The following RNF103 variants were observed in gnomAD, a reference collection of about 807,000 sequenced individuals.
The protein encoded by RNF103 is ring finger protein 103.
RNF103 carries 23 observed loss-of-function variants against 66.2 expected under a neutral mutation model. The observed-to-expected ratio is 0.35, with a 90% CI of 0.25 to 0.49. The LOEUF is 0.49. Ranked by LOEUF, RNF103 falls within the 20% of genes least tolerant of loss-of-function variation. RNF103 has a pLI of 0.98. For missense variants in RNF103, 730 were observed against 814.7 expected (o/e 0.90, Z 1.27); for synonymous variants, 297 against 289.9 (o/e 1.02, Z -0.25).
intron 2 of RNF103, chr2:86,617,976 A>G (rs1679088714): frequency 2.0e-6 from 1 of 503,412 alleles, no homozygotes; most frequent in Admixed American, 2.4e-5. Context: ...AAGGAACACA[A>G]GCCAGACAGT....
intron 2 of RNF103, chr2:86,616,460 T>C (rs1679025856): frequency 2.1e-6 from 2 of 946,348 alleles, no homozygotes; most frequent in South Asian, 4.9e-5. Flanking sequence ...TATTCTTACA[T>C]AGAATTTATA....
intron 2 of RNF103, chr2:86,616,855 T>C (rs1679043927): frequency 5.1e-6 from 5 of 985,412 alleles, no homozygotes; most frequent in Non-Finnish European, 6.0e-6. Flanking sequence ...ATAAAACCCA[T>C]AAATTATGCT....
In RNF103 at chr2:86,605,418, T is replaced by C; in HGVS notation, c.483A>G (p.Arg161=). 6.3e-7 allele frequency: 1 copy of C among 1,589,762 alleles called. No homozygotes were observed. Among genetic ancestry groups the C allele is most frequent in the Admixed American group, 1.8e-5 (1 of 54,126 alleles). Residue 161 remains arginine, a splice_region_variant and synonymous_variant, in exon 4 of 4, where the codon AGA becomes AGG. Coordinates refer to ENST00000237455, the MANE Select transcript of RNF103 (RefSeq NM_005667.4). ...GGACCCAGCCTCTTCTCCTGCAATATCTACAAGAGAGGAAACTGTAAATAA... is the reference window on the plus strand; with the variant it reads ...GGACCCAGCCTCTTCTCCTGCAATACCTACAAGAGAGGAAACTGTAAATAA... ...TGTFNCSSDP[R]YCRRRGWVRS...
At chr2:86,616,255 G>A (rs1023343841) in intron 2 of RNF103, among the ~76,000 whole-genome samples, 6 of 152,126 alleles carry the variant, frequency 3.9e-5, no homozygotes, top group African/African-American at 1.4e-4. Flanking sequence ...TCCAGGTTTA[G>A]TTAAGTAACA....
At position 86,623,822 on chromosome 2, in the gene RNF103, C is replaced by G. The variant is rs1428788332; in HGVS notation, c.-936G>C. ...CCGGAGACCGCGGCCGTACCCTCCA[C>G]AACCGTGTATCAGCGGCGGCCGCGG... On this transcript the variant is annotated 5_prime_UTR_variant, in exon 1 of 4. Transcript: ENST00000237455. The G allele has an allele frequency of 1.6e-6, 2 of 1,288,232 alleles. No homozygotes were observed. The highest frequency in any genetic ancestry group is 2.5e-5 in the South Asian group (2 of 80,914). 79.8% of individuals were successfully genotyped at this position (1,288,232 alleles called of 1,614,324 possible).
intron 3 of RNF103, among the ~76,000 whole-genome samples, chr2:86,610,265 A>G (rs905086837): frequency 1.2e-4 from 18 of 152,254 alleles, no homozygotes; most frequent in African/African-American, 4.3e-4. Flanking sequence ...TCAATTGTAA[A>G]TAAGAGGTAG....
At chr2:86,608,486 C>CAAAAA (rs1222638516) in intron 3 of RNF103, among the ~76,000 whole-genome samples, 5 of 40,082 alleles carry the variant, frequency 1.2e-4, no homozygotes, top group Admixed American at 2.5e-4. Flanking sequence ...GACTCCATCT[C>CAAAAA]AAAAAAAAAA....
At chr2:86,614,036 C>T (rs561519230) in intron 2 of RNF103, 30 of 152,258 alleles carry the variant, frequency 2.0e-4, no homozygotes, top group African/African-American at 7.2e-4. Context: ...CCTCAGGGTT[C>T]CTTCTGCCTC....
At position 86,616,905 on chromosome 2, in the gene RNF103, C is replaced by T. The variant is rs937347972; in HGVS notation, c.366+3425G>A. 5.1e-6 allele frequency: 5 copies of T among 985,328 alleles called. No homozygotes were observed. The South Asian group carries it at 1.9e-4, about 37-fold the overall frequency. 61.0% of individuals were successfully genotyped at this position (985,328 alleles called of 1,614,324 possible). ...AGAAGCCTATCCACTGTGCCATCTGCCTCTCTGACCAAGGGTCTTTTGAAA... is the reference window on the plus strand; with the variant it reads ...AGAAGCCTATCCACTGTGCCATCTGTCTCTCTGACCAAGGGTCTTTTGAAA... On this transcript the variant is annotated intron_variant, in intron 2 of 3. Transcript: ENST00000237455.
In RNF103 at chr2:86,605,362, GT is replaced by G; in HGVS notation, c.538del (p.Thr180GlnfsTer20). On this transcript the variant is annotated frameshift_variant, in exon 4 of 4. Transcript: ENST00000237455. LOFTEE classifies it high-confidence loss of function. ...CATGACTTTCCCTTTTGAAGTACTT[GT>G]TTGTGGAACAGACATAATGAGTGTG... ...RSTLIMSVPQ[T>X]STSKGKVMLK... The G allele has an allele frequency of 6.2e-7, 1 of 1,614,106 alleles. No individual in the cohort carries two copies. Among genetic ancestry groups the G allele is most frequent in the Non-Finnish European group, 8.5e-7 (1 of 1,179,990 alleles).
At chr2:86,617,179 C>G (rs920690950) in intron 2 of RNF103, 30 of 985,392 alleles carry the variant, frequency 3.0e-5, no homozygotes, top group Non-Finnish European at 3.6e-5. Context: ...ATTACAGAGA[C>G]TATACGTAAC....
chr2:86,620,895 G>A (rs371445127), intron 1 of RNF103, among the ~76,000 whole-genome samples: 184 of 152,228 alleles, frequency 1.2e-3, no homozygotes, highest in African/African-American at 4.2e-3. Flanking sequence ...GTAGAATTGG[G>A]TTCACAGAAT....
chr2:86,609,245 T>C (rs572766218), intron 3 of RNF103, among the ~76,000 whole-genome samples: 2 of 152,246 alleles, frequency 1.3e-5, no homozygotes, highest in East Asian at 1.9e-4. Context: ...CACTTCCCCT[T>C]TGACCTTCTC....
chr2:86,615,548 C>T (rs1439206354), intron 2 of RNF103, among the ~76,000 whole-genome samples: 2 of 139,550 alleles, frequency 1.4e-5, no homozygotes, highest in African/African-American at 5.1e-5. Flanking sequence ...AATATATATA[C>T]ACACACACAC....
chr2:86,617,151 A>G, intron 2 of RNF103: 1 of 985,422 alleles, frequency 1.0e-6, no homozygotes, highest in Non-Finnish European at 1.2e-6. Context: ...CTTGAAAACT[A>G]AAATAAATTC....
At chr2:86,618,172 G>A (rs1479210287) in intron 2 of RNF103, 3 of 271,614 alleles carry the variant, frequency 1.1e-5, no homozygotes, top group African/African-American at 6.7e-5. Flanking sequence ...AATTTATAAT[G>A]CTACCATTTA....
chr2:86,604,297 G>A lies in RNF103; in HGVS notation c.1604C>T (p.Thr535Ile), dbSNP rs34541034. The change falls in exon 4 of 4, where the codon ACT (threonine) becomes ATT (isoleucine). Residue 535 changes from threonine (T) to isoleucine (I), a missense_variant. Physicochemically the swap from Thr to Ile is moderately conservative, Grantham distance 89 (BLOSUM62 -1). This residue lies in a region of RNF103 where 355 missense variants were observed against 351.9 expected (regional missense o/e 1.01). Coordinates refer to ENST00000237455, the MANE Select transcript of RNF103 (RefSeq NM_005667.4). Reference protein sequence around the residue: ...EEEMSEGSQDTENDSESENTD... With the variant: ...EEEMSEGSQDIENDSESENTD... ...GTTCTCACTTTCCGAGTCATTTTCA[G>A]TATCTTGAGACCCCTCCGACATTTC... The A allele has an allele frequency of 4.5e-4, 719 of 1,614,162 alleles. No individual in the cohort carries two copies. In the African/African-American group the frequency reaches 8.3e-3, roughly 19 times the overall value.
chr2:86,609,035 T>G (rs1461099145), intron 3 of RNF103, among the ~76,000 whole-genome samples: 1 of 152,230 alleles, frequency 6.6e-6, no homozygotes, highest in Non-Finnish European at 1.5e-5. Flanking sequence ...TGTTGACATT[T>G]TCTTCCCAGT....
intron 2 of RNF103, 45 bp from the exon 3 acceptor site, chr2:86,612,319 G>A: frequency 1.8e-6 from 2 of 1,105,292 alleles, no homozygotes; most frequent in Middle Eastern, 2.0e-4. Context: ...TACCTAAAAT[G>A]GAGTCAAGCC....
Sources: gnomAD v4.1 joint callset for allele counts (sites outside exome capture counted in the v4.1 genomes callset) on GRCh38, gnomAD v4.1.1 for gene constraint, gnomAD v4.1.1 regional missense constraint, MANE v1.5 for transcripts, NCBI Gene and HGNC (gene_info 2026-07-23, HGNC 2026-07-21) for gene names.